Variants in SLURP1 observed in about 807,000 individuals in gnomAD.
SLURP1 encodes secreted Ly-6/uPAR-related protein 1.
Under a neutral mutation model 7.9 loss-of-function variants are expected in SLURP1, and 2 were observed. The ratio of observed to expected loss-of-function variants is 0.25; its 90% CI spans 0.10 to 0.79. The LOEUF is 0.79. Ranked by LOEUF, SLURP1 falls within the 30% of genes least tolerant of loss-of-function variation. The pLI is 0.69. For synonymous variants in SLURP1, 59 were observed against 54.9 expected (o/e 1.07, Z -0.33); for missense variants, 111 against 139.8 (o/e 0.79, Z 1.04).
In SLURP1 at chr8:142,741,288, G is replaced by A; in HGVS notation, c.179-12C>T. On this transcript the variant is annotated splice_polypyrimidine_tract_variant and intron_variant, in intron 2 of 2. Transcript: ENST00000246515. This position sits in a 1 kb window ranked among gnomAD's most constrained non-coding sequence, Gnocchi z 4.3. ...GTTGAAGGGGTACTCTGCAGGGTGG[G>A]CCAGTGTCAGAACCCTCACTCCCCT... 6.3e-7 allele frequency: 1 copy of A among 1,579,414 alleles called. No homozygotes were observed. Among genetic ancestry groups the A allele is most frequent in the Non-Finnish European group, 8.6e-7 (1 of 1,167,036 alleles).
rs587599281 is a variant in SLURP1 at position 142,742,198 on chromosome 8, T to C, written c.58+130A>G. ...TGGGACCCAGGAGGCTCACTGAGAA[T>C]GAGGAGGGTGAGCCTCATGGAGGCC... On this transcript the variant is annotated intron_variant, in intron 1 of 2. Coordinates refer to ENST00000246515, the MANE Select transcript of SLURP1 (RefSeq NM_020427.3). The C allele has an allele frequency of 1.1e-3, 1,214 of 1,085,486 alleles. 1 individual carries two copies. The highest frequency in any genetic ancestry group is 1.5e-3 in the South Asian group (111 of 75,462). The allele number at this position is 1,085,486 out of a possible 1,614,324, so 67.2% of individuals were successfully genotyped here. A position where few individuals can be genotyped will look rare whatever the true frequency, so the allele number is the denominator to read the frequency against.
At position 142,741,100 on chromosome 8, in the gene SLURP1, G is replaced by C; in HGVS notation, c.*43C>G. The C allele has an allele frequency of 1.3e-6, 2 of 1,599,218 alleles. No individual in the cohort carries two copies. The highest frequency in any genetic ancestry group is 1.7e-6 in the Non-Finnish European group (2 of 1,179,670). On this transcript the variant is annotated 3_prime_UTR_variant, in exon 3 of 3. Transcript: ENST00000246515. The surrounding 1 kb of genome is among the most constrained non-coding windows in gnomAD (Gnocchi z 4.3). The stretch of plus-strand genomic sequence containing the variant: ...ACAGGTGGAGCCAGGCCCCGTCAGA[G>C]AGGAGGTGCCTGAGGAGCACCTTCC...
rs1055036405 is a variant in SLURP1, at chr8:142,741,502, G to A, written c.179-226C>T. 1.3e-5 allele frequency among the ~76,000 whole-genome samples: 2 copies of A among 152,206 alleles called. No homozygotes were observed. The highest frequency in any genetic ancestry group is 4.8e-5 in the African/African-American group (2 of 41,446). ...AGTGCCTGCGCTGAGATGGGAGCCC[G>A]AGCCCAGAGGCTGTGGCAACACCAC... On this transcript the variant is annotated intron_variant, in intron 2 of 2. Coordinates refer to ENST00000246515, the MANE Select transcript of SLURP1 (RefSeq NM_020427.3). This position sits in a 1 kb window ranked among gnomAD's most constrained non-coding sequence, Gnocchi z 4.3.
chr8:142,741,391 A>G lies in SLURP1; in HGVS notation c.179-115T>C, dbSNP rs977353299. 2.8e-6 allele frequency: 4 copies of G among 1,405,744 alleles called. No individual in the cohort carries two copies. The African/African-American group carries it at 4.3e-5, about 15-fold the overall frequency. The allele number at this position is 1,405,744 out of a possible 1,614,324, so 87.1% of individuals were successfully genotyped here. On this transcript the variant is annotated intron_variant, in intron 2 of 2. Coordinates refer to ENST00000246515, the MANE Select transcript of SLURP1 (RefSeq NM_020427.3). This position sits in a 1 kb window ranked among gnomAD's most constrained non-coding sequence, Gnocchi z 4.3. Reference sequence around the variant, plus strand: ...CCTCCCTGTGATCCCTGTTCCCAATAGTCCACATCTGTGAAGCCACCCAGG... The same window carrying G: ...CCTCCCTGTGATCCCTGTTCCCAATGGTCCACATCTGTGAAGCCACCCAGG...
At chr8:142,742,068 A>G in intron 1 of SLURP1, 146 bp from the exon 2 acceptor site, 1 of 1,342,644 alleles carries the variant, frequency 7.4e-7, no homozygotes, top group Non-Finnish European at 1.0e-6. Context: ...GCTTTCTCTA[A>G]CTGAGCTGAG....
rs1815869174 is a variant in SLURP1 at position 142,741,544 on chromosome 8, A to C, written c.178+259T>G. On this transcript the variant is annotated intron_variant, in intron 2 of 2. Transcript: ENST00000246515. This position sits in a 1 kb window ranked among gnomAD's most constrained non-coding sequence, Gnocchi z 4.3. ...CAACACCACCCAGTGGGTCTGTGTC[A>C]GAGCTGGGGTTTGAGCCCCCCAGGG... 6.6e-6 allele frequency among the ~76,000 whole-genome samples: 1 copy of C among 152,186 alleles called. No homozygotes were observed. Among genetic ancestry groups the C allele is most frequent in the African/African-American group, 2.4e-5 (1 of 41,460 alleles).
chr8:142,741,747 G>A lies in SLURP1; in HGVS notation c.178+56C>T. 3.1e-6 allele frequency: 5 copies of A among 1,601,422 alleles called. No homozygotes were observed. Among genetic ancestry groups the A allele is most frequent in the Non-Finnish European group, 4.2e-6 (5 of 1,179,484 alleles). ...GCACCAGCAAAGGAGGGAGGCACTT[G>A]GGGGAGGTGGCCCTGACTCCAGTGC... On this transcript the variant is annotated intron_variant, in intron 2 of 2. Coordinates refer to ENST00000246515, the MANE Select transcript of SLURP1 (RefSeq NM_020427.3). This position sits in a 1 kb window ranked among gnomAD's most constrained non-coding sequence, Gnocchi z 4.3.
In SLURP1 at chr8:142,741,669, G is replaced by A; in HGVS notation, c.178+134C>T. 1 of 1,416,248 alleles carries A rather than the reference G, an allele frequency of 7.1e-7. No individual in the cohort carries two copies. The highest frequency in any genetic ancestry group is 1.8e-5 in the Admixed American group (1 of 54,482). 87.7% of individuals were successfully genotyped at this position (1,416,248 alleles called of 1,614,324 possible). The stretch of plus-strand genomic sequence containing the variant: ...CCCTCGTGGAAGGCACCCCTGCCAA[G>A]GTGTGGCAGCCTGTTCTGCCCATCC... On this transcript the variant is annotated intron_variant, in intron 2 of 2. Coordinates refer to ENST00000246515, the MANE Select transcript of SLURP1 (RefSeq NM_020427.3). The surrounding 1 kb of genome is among the most constrained non-coding windows in gnomAD (Gnocchi z 4.3).
chr8:142,741,810 C>T lies in SLURP1; in HGVS notation c.171G>A (p.Val57=), dbSNP rs1368338724. 1.9e-6 allele frequency: 3 copies of T among 1,611,932 alleles called. No individual in the cohort carries two copies. Among genetic ancestry groups the T allele is most frequent in the Non-Finnish European group, 2.5e-6 (3 of 1,180,002 alleles). Residue 57 remains valine (V), a synonymous_variant, in exon 2 of 3, where the codon GTG becomes GTA. Transcript: ENST00000246515. The surrounding 1 kb of genome is among the most constrained non-coding windows in gnomAD (Gnocchi z 4.3). ...CGTGGGGCCTGGCCTCACCTGCCTC[C>T]ACCGTCACCAGCGTGGTCATGCAGG... ...DTACMTTLVT[V]EAEYPFNQSP... is the part of the protein sequence containing the mutation.
Position 142,741,359 on chromosome 8 carries a change from ACCT to A in SLURP1, c.179-86_179-84del, listed in dbSNP as rs1256725246. On this transcript the variant is annotated intron_variant, in intron 2 of 2. Transcript: ENST00000246515. The surrounding 1 kb of genome is among the most constrained non-coding windows in gnomAD (Gnocchi z 4.3). ...CACTGCTCCCAGCCGCCGTCGCCTG[ACCT>A]CACCCTCCCTGTGATCCCTGTTCCC... 6.7e-7 allele frequency: 1 copy of A among 1,495,534 alleles called. No homozygotes were observed. The highest frequency in any genetic ancestry group is 2.5e-5 in the East Asian group (1 of 40,468). 92.6% of individuals were successfully genotyped at this position (1,495,534 alleles called of 1,614,324 possible). A position where few individuals can be genotyped will look rare whatever the true frequency, so the allele number is the denominator to read the frequency against.
intron 1 of SLURP1, among the ~76,000 whole-genome samples, 199 bp downstream of exon 1, chr8:142,742,129 G>A (rs1410547365): frequency 3.3e-5 from 5 of 152,188 alleles, no homozygotes; most frequent in African/African-American, 1.2e-4. Flanking sequence ...CTCCCTTCCT[G>A]CAGAGTGGAG....
At chr8:142,742,004 T>C in intron 1 of SLURP1, 82 bp from the exon 2 acceptor site, 1 of 1,587,548 alleles carries the variant, frequency 6.3e-7, no homozygotes, top group Non-Finnish European at 8.5e-7. Context: ...GCTGAAGGAG[T>C]CTCGCTGACA....
chr8:142,741,744 C>A lies in SLURP1; in HGVS notation c.178+59G>T. On this transcript the variant is annotated intron_variant, in intron 2 of 2. Transcript: ENST00000246515. The surrounding 1 kb of genome is among the most constrained non-coding windows in gnomAD (Gnocchi z 4.3). ...GGAGCACCAGCAAAGGAGGGAGGCACTTGGGGGAGGTGGCCCTGACTCCAG... is the reference window on the plus strand; with the variant it reads ...GGAGCACCAGCAAAGGAGGGAGGCAATTGGGGGAGGTGGCCCTGACTCCAG... The A allele has an allele frequency of 6.2e-7, 1 of 1,601,180 alleles. No homozygotes were observed.
chr8:142,742,397 C>T lies in SLURP1; in HGVS notation c.-12G>A. ...CAGCGAGAGGCCATTGCTCCGTGCT[C>T]AGAAGTGATGAGAGGTAGCCAGCCT... On this transcript the variant is annotated 5_prime_UTR_variant, in exon 1 of 3. Coordinates refer to ENST00000246515, the MANE Select transcript of SLURP1 (RefSeq NM_020427.3). The T allele has an allele frequency of 6.2e-7, 1 of 1,612,876 alleles. No individual in the cohort carries two copies. The highest frequency in any genetic ancestry group is 1.6e-4 in the Middle Eastern group (1 of 6,062).
At position 142,742,391 on chromosome 8, in the gene SLURP1, C is replaced by T. The variant is rs200079141; in HGVS notation, c.-6G>A. On this transcript the variant is annotated 5_prime_UTR_variant, in exon 1 of 3. Coordinates refer to ENST00000246515, the MANE Select transcript of SLURP1 (RefSeq NM_020427.3). ...ACAGCCCAGCGAGAGGCCATTGCTC[C>T]GTGCTCAGAAGTGATGAGAGGTAGC... is the stretch of plus-strand genomic sequence containing the variant. 5.6e-6 allele frequency: 9 copies of T among 1,612,932 alleles called. No individual in the cohort carries two copies. The highest frequency in any genetic ancestry group is 2.2e-5 in the East Asian group (1 of 44,880).
In SLURP1 at chr8:142,741,682, G is replaced by T; in HGVS notation, c.178+121C>A. ...CACCCCTGCCAAGGTGTGGCAGCCT[G>T]TTCTGCCCATCCCACCTGCTGCCTT... On this transcript the variant is annotated intron_variant, in intron 2 of 2. Coordinates refer to ENST00000246515, the MANE Select transcript of SLURP1 (RefSeq NM_020427.3). This position sits in a 1 kb window ranked among gnomAD's most constrained non-coding sequence, Gnocchi z 4.3. The T allele has an allele frequency of 6.6e-7, 1 of 1,509,252 alleles. No homozygotes were observed. The highest frequency in any genetic ancestry group is 9.0e-7 in the Non-Finnish European group (1 of 1,108,392). 93.5% of individuals were successfully genotyped at this position (1,509,252 alleles called of 1,614,324 possible). A position where few individuals can be genotyped will look rare whatever the true frequency, so the allele number is the denominator to read the frequency against.
rs1458589451 is a variant in SLURP1, at chr8:142,741,047, C to T, written c.*96G>A. The T allele has an allele frequency of 6.4e-7, 1 of 1,570,660 alleles. No homozygotes were observed. The highest frequency in any genetic ancestry group is 2.2e-5 in the East Asian group (1 of 44,596). ...CAGACCCCATGAGTGAGCTGTGCCA[C>T]AGCAGCAGGAAGCAGGGGGAGGTGA... On this transcript the variant is annotated 3_prime_UTR_variant, in exon 3 of 3. Transcript: ENST00000246515. The surrounding 1 kb of genome is among the most constrained non-coding windows in gnomAD (Gnocchi z 4.3).
At chr8:142,742,306 C>T in intron 1 of SLURP1, 22 bp downstream of exon 1, 2 of 1,612,192 alleles carry the variant, frequency 1.2e-6, no homozygotes, top group Non-Finnish European at 1.7e-6. Flanking sequence ...GCAGGGTCCC[C>T]ACCAGCCTGC....
Position 142,741,308 on chromosome 8 carries a change from T to G in SLURP1, c.179-32A>C, listed in dbSNP as rs764411335. 1 of 1,555,470 alleles carries G rather than the reference T, an allele frequency of 6.4e-7. No individual in the cohort carries two copies. Among genetic ancestry groups the G allele is most frequent in the East Asian group, 2.4e-5 (1 of 42,260 alleles). On this transcript the variant is annotated intron_variant, in intron 2 of 2. Transcript: ENST00000246515. The surrounding 1 kb of genome is among the most constrained non-coding windows in gnomAD (Gnocchi z 4.3). Reference sequence around the variant, plus strand: ...GGTGGGCCAGTGTCAGAACCCTCACTCCCCTGCAGCGCCTGCCTGCTGCTG... The same window carrying G: ...GGTGGGCCAGTGTCAGAACCCTCACGCCCCTGCAGCGCCTGCCTGCTGCTG...
Sources: gnomAD v4.1 joint callset for allele counts (sites outside exome capture counted in the v4.1 genomes callset) on GRCh38, gnomAD v4.1.1 for gene constraint, Gnocchi (gnomAD v3.1) non-coding constraint, MANE v1.5 for transcripts, NCBI Gene and HGNC (gene_info 2026-07-23, HGNC 2026-07-21) for gene names.